Variants in ILRUN observed in about 807,000 individuals in gnomAD.
The protein encoded by ILRUN is inflammation and lipid regulator with UBA-like and NBR1-like domains, also known as protein ILRUN.
ILRUN carries 3 observed loss-of-function variants against 33.8 expected under a neutral mutation model. The observed-to-expected ratio is 0.09, with a 90% CI of 0.04 to 0.23. The LOEUF (loss-of-function observed/expected upper bound fraction) is 0.23, where lower values mean the gene tolerates loss of function less well. Among genes scored for constraint, ILRUN ranks in the 10% least tolerant of loss-of-function variants. The pLI is 1.00. For synonymous variants in ILRUN, 124 were observed against 138.9 expected (o/e 0.89, Z 0.75); for missense variants, 210 against 375.1 (o/e 0.56, Z 3.64).
At position 34,682,021 on chromosome 6, in the gene ILRUN, C is replaced by CTTTT. The variant is rs1377020252; in HGVS notation, c.158+14424_158+14425insAAAA. Among the ~76,000 whole-genome samples the CTTTT allele has an allele frequency of 1.4e-3, 182 of 130,060 alleles. 4 individuals are homozygous for CTTTT. Among genetic ancestry groups the CTTTT allele is most frequent in the African/African-American group, 4.9e-3 (164 of 33,704 alleles). The allele number at this position is 130,060 out of a possible 152,430, so 85.3% of individuals were successfully genotyped here. On this transcript the variant is annotated intron_variant, in intron 1 of 4. Coordinates refer to ENST00000374023, the MANE Select transcript of ILRUN (RefSeq NM_024294.4). ...TGCATGCCACCACACCCCACTAATT[C>CTTTT]TTATATTTTTATTTTTTTACTTTTT... is the stretch of plus-strand genomic sequence containing the variant.
At chr6:34,632,728 T>A (rs1762274431) in intron 3 of ILRUN, among the ~76,000 whole-genome samples, 1 of 151,664 alleles carries the variant, frequency 6.6e-6, no homozygotes, top group African/African-American at 2.4e-5. Flanking sequence ...TTTCACCATG[T>A]TAGCCAGGAT....
chr6:34,664,929 C>T (rs1330244731), intron 1 of ILRUN, among the ~76,000 whole-genome samples: 1 of 152,120 alleles, frequency 6.6e-6, no homozygotes, highest in African/African-American at 2.4e-5. Context: ...TCATCCTGGT[C>T]AGAGAGCTGT....
At chr6:34,674,913 A>C (rs753472152) in intron 1 of ILRUN, among the ~76,000 whole-genome samples, 9 of 152,030 alleles carry the variant, frequency 5.9e-5, no homozygotes, top group South Asian at 4.1e-4. Flanking sequence ...CATACACACA[A>C]AAAAATTTTT....
In ILRUN at chr6:34,654,775, G is replaced by C; in HGVS notation, c.163C>G (p.Leu55Val). The C allele has an allele frequency of 6.2e-7, 1 of 1,610,424 alleles. No individual in the cohort carries two copies. Among genetic ancestry groups the C allele is most frequent in the Non-Finnish European group, 8.5e-7 (1 of 1,178,418 alleles). The change falls in exon 2 of 5, where the codon CTA (leucine) becomes GTA (valine). Residue 55 changes from leucine (L) to valine (V), a missense_variant. This residue lies in a region of ILRUN where 61 missense variants were observed against 94.4 expected (regional missense o/e 0.65). Coordinates refer to ENST00000374023, the MANE Select transcript of ILRUN (RefSeq NM_024294.4). The part of the protein sequence containing the change: ...AFFLDMTNWN[L>V]QAAIGAYYDF... ...TAATAGGCGCCAATTGCTGCTTGTA[G>C]GTTCCTATAGAAAAAGAGAAAAGGC...
At chr6:34,637,333 A>AT (rs1762384370) in intron 3 of ILRUN, among the ~76,000 whole-genome samples, 1 of 152,188 alleles carries the variant, frequency 6.6e-6, no homozygotes, top group South Asian at 2.1e-4. Flanking sequence ...ACAACTATTT[A>AT]TTTTCCTTTT....
chr6:34,612,469 A>C (rs183830617), intron 3 of ILRUN, among the ~76,000 whole-genome samples: 11 of 152,290 alleles, frequency 7.2e-5, no homozygotes, highest in Admixed American at 6.5e-4. Context: ...AGAGCTAGAA[A>C]GTACTGTAAA....
intron 2 of ILRUN, among the ~76,000 whole-genome samples, chr6:34,648,806 A>G (rs1013743995): frequency 1.3e-5 from 2 of 152,208 alleles, no homozygotes; most frequent in African/African-American, 4.8e-5. Flanking sequence ...ACACATACAC[A>G]TACACCTGCA....
At chr6:34,649,270 A>C (rs1762615036) in intron 2 of ILRUN, among the ~76,000 whole-genome samples, 1 of 152,234 alleles carries the variant, frequency 6.6e-6, no homozygotes, top group Non-Finnish European at 1.5e-5. Flanking sequence ...GGTCAAAGAT[A>C]TTGATGCTTG....
At chr6:34,600,137 A>C (rs1761478182) in intron 4 of ILRUN, among the ~76,000 whole-genome samples, 1 of 152,176 alleles carries the variant, frequency 6.6e-6, no homozygotes, top group South Asian at 2.1e-4. Context: ...TTATAGCATT[A>C]AGTCACATAT....
intron 1 of ILRUN, among the ~76,000 whole-genome samples, chr6:34,677,995 C>T (rs1763273426): frequency 6.6e-6 from 1 of 150,738 alleles, no homozygotes; most frequent in African/African-American, 2.4e-5. Flanking sequence ...GTGTGCACCA[C>T]TGTGTCTGGC....
At chr6:34,635,458 G>A (rs1377929432) in intron 3 of ILRUN, among the ~76,000 whole-genome samples, 1 of 151,320 alleles carries the variant, frequency 6.6e-6, no homozygotes, top group African/African-American at 2.4e-5. Flanking sequence ...AGCCTGGGAT[G>A]TCAAGGCTAC....
intron 1 of ILRUN, among the ~76,000 whole-genome samples, chr6:34,673,827 CCACATACA>C (rs1391248314): frequency 9.3e-6 from 1 of 107,684 alleles, no homozygotes. Context: ...ACAGTAACAA[CCACATACA>C]CACACACACA....
rs190790393 is a variant in ILRUN, at chr6:34,672,218, C to T, written c.159-17439G>A. Among the ~76,000 whole-genome samples, 59 of 152,162 alleles carry T rather than the reference C, an allele frequency of 3.9e-4. No homozygotes were observed. The East Asian group carries it at 8.7e-3, about 22-fold the overall frequency. On this transcript the variant is annotated intron_variant, in intron 1 of 4. Transcript: ENST00000374023. ...CCCGGGTTCTCCTGCCTCAGCCTCC[C>T]GAGAACCTGGAACTACAGGTGTGCA...
chr6:34,671,818 G>A lies in ILRUN; in HGVS notation c.159-17039C>T, dbSNP rs558952014. ...AAGGGAACTGGGAAGTAGACAAGTGGAAAATGTCTTAGCCAACCTGAAAAA... is the reference window on the plus strand; with the variant it reads ...AAGGGAACTGGGAAGTAGACAAGTGAAAAATGTCTTAGCCAACCTGAAAAA... On this transcript the variant is annotated intron_variant, in intron 1 of 4. Coordinates refer to ENST00000374023, the MANE Select transcript of ILRUN (RefSeq NM_024294.4). 12 of 152,334 alleles carry A rather than the reference G, an allele frequency of 7.9e-5. No individual in the cohort carries two copies. In the East Asian group the frequency reaches 2.3e-3, roughly 29 times the overall value. The allele number at this position is 152,334 out of a possible 1,614,324, so 9.4% of individuals were successfully genotyped here.
At chr6:34,636,106 A>G (rs1267007914) in intron 3 of ILRUN, among the ~76,000 whole-genome samples, 1 of 152,086 alleles carries the variant, frequency 6.6e-6, no homozygotes, top group Non-Finnish European at 1.5e-5. Context: ...AAAAGGTTTT[A>G]AAAATATTAG....
At chr6:34,596,092 T>C (rs1259452080) in intron 4 of ILRUN, 2 of 186,876 alleles carry the variant, frequency 1.1e-5, no homozygotes, top group Non-Finnish European at 2.0e-5. Context: ...ATCAAACCCA[T>C]TAGTCTCTCA....
chr6:34,628,373 G>A (rs1762180745), intron 3 of ILRUN, among the ~76,000 whole-genome samples: 1 of 151,684 alleles, frequency 6.6e-6, no homozygotes, highest in Non-Finnish European at 1.5e-5. Flanking sequence ...ACCCAGGCTG[G>A]AGTGCAGTGG....
chr6:34,695,435 G>GGGGAA (rs1763743967), intron 1 of ILRUN, among the ~76,000 whole-genome samples: 1 of 152,200 alleles, frequency 6.6e-6, no homozygotes. Flanking sequence ...CAGAGTACAA[G>GGGGAA]GGGAAGCGTT....
At chr6:34,645,361 A>C (rs1762545605) in intron 3 of ILRUN, among the ~76,000 whole-genome samples, 1 of 151,970 alleles carries the variant, frequency 6.6e-6, no homozygotes, top group Non-Finnish European at 1.5e-5. Flanking sequence ...GAAGGATATA[A>C]GGTTGGTTTT....
Sources: allele counts gnomAD v4.1 joint callset (sites outside exome capture counted in the v4.1 genomes callset), GRCh38; gene constraint gnomAD v4.1.1; regional missense constraint gnomAD v4.1.1; transcripts MANE v1.5; gene names NCBI Gene and HGNC (gene_info 2026-07-23, HGNC 2026-07-21).